PUS10: variants seen among roughly 807,000 people sequenced by gnomAD.
The protein encoded by PUS10 is tRNA pseudouridine synthase Pus10.
In PUS10, 59 loss-of-function variants were observed where a neutral mutation model predicts 75.0. The ratio of observed to expected loss-of-function variants is 0.79; its 90% CI spans 0.64 to 0.98. The LOEUF is 0.98. Among genes scored for constraint, PUS10 ranks in the 50% least tolerant of loss-of-function variants. PUS10 has a pLI of 0.00. For missense variants in PUS10, 650 were observed against 614.4 expected, an observed-to-expected ratio of 1.06 and a Z score of -0.61; for synonymous variants, 219 against 211.6, an observed-to-expected ratio of 1.03 and a Z score of -0.30.
intron 6 of PUS10, 124 bp downstream of exon 6, chr2:60,967,378 C>T: frequency 1.6e-6 from 1 of 629,046 alleles, no homozygotes. Context: ...ATTTTAAAAG[C>T]TTAAAAAATC....
In PUS10 at chr2:60,942,276, T is replaced by C. The variant is rs1558847312; in HGVS notation, c.*119A>G. The C allele has an allele frequency of 5.0e-6, 4 of 794,396 alleles. No homozygotes were observed. The highest frequency in any genetic ancestry group is 9.0e-6 in the Non-Finnish European group (4 of 446,160). The allele number at this position is 794,396 out of a possible 1,614,324, so 49.2% of individuals were successfully genotyped here. A position where few individuals can be genotyped will look rare whatever the true frequency, so the allele number is the denominator to read the frequency against. ...AAATTAACAATTATATAGATCAACA[T>C]GATCCAAATAGTTTTCAAGACACCG... On this transcript the variant is annotated 3_prime_UTR_variant, in exon 18 of 18. Transcript: ENST00000316752.
intron 2 of PUS10, chr2:61,010,838 T>C: frequency 1.3e-6 from 2 of 1,550,484 alleles, no homozygotes; most frequent in Non-Finnish European, 1.7e-6. Context: ...ACTTAATAGC[T>C]GTGTAACTTT....
intron 1 of PUS10, among the ~76,000 whole-genome samples, chr2:61,013,439 T>A (rs945532131): frequency 2.0e-5 from 3 of 152,200 alleles, no homozygotes; most frequent in Non-Finnish European, 2.9e-5. Context: ...GTTGATTACC[T>A]TTTTGTTCAA....
chr2:61,017,911 G>C lies in PUS10; in HGVS notation c.-16+97C>G, dbSNP rs529814036. ...GGGCCCGAGCGGGGACTTGGCAGGAGGCGGTTGTAGCGGTTGTTAGTGGAG... is the reference window on the plus strand; with the variant it reads ...GGGCCCGAGCGGGGACTTGGCAGGACGCGGTTGTAGCGGTTGTTAGTGGAG... On this transcript the variant is annotated intron_variant, in intron 1 of 17. Coordinates refer to ENST00000316752, the MANE Select transcript of PUS10 (RefSeq NM_144709.4). The C allele has an allele frequency of 3.1e-5, 46 of 1,503,070 alleles. 1 individual carries two copies. The East Asian group carries it at 1.1e-3, about 37-fold the overall frequency. 93.1% of individuals were successfully genotyped at this position (1,503,070 alleles called of 1,614,324 possible).
chr2:61,017,725 G>T (rs557495907), intron 1 of PUS10: 24 of 1,529,192 alleles, frequency 1.6e-5, no homozygotes, highest in Non-Finnish European at 1.9e-5. Flanking sequence ...TGGACAGTCA[G>T]GGGTAGGAGC....
At chr2:60,995,089 C>CA (rs1366786552) in intron 4 of PUS10, among the ~76,000 whole-genome samples, 4 of 149,682 alleles carry the variant, frequency 2.7e-5, no homozygotes, top group East Asian at 2.0e-4. Context: ...AACTCTGTCT[C>CA]AAAAAAAAAG....
At position 60,948,186 on chromosome 2, in the gene PUS10, C is replaced by G; in HGVS notation, c.1309-1G>C. ...GTGTTTTCTGGTCGATTTTTAAGTC[C>G]TAGGGGAGAATATGACACACAGTCC... is the stretch of plus-strand genomic sequence containing the variant. On this transcript the variant is annotated splice_acceptor_variant, in intron 15 of 17. Transcript: ENST00000316752. LOFTEE classifies it high-confidence loss of function. The G allele has an allele frequency of 1.2e-6, 2 of 1,614,006 alleles. No individual in the cohort carries two copies.
chr2:60,981,873 A>G (rs1203406636), intron 4 of PUS10, among the ~76,000 whole-genome samples: 1 of 152,160 alleles, frequency 6.6e-6, no homozygotes, highest in Non-Finnish European at 1.5e-5. Context: ...TATAAACTAT[A>G]AAAATACTTT....
chr2:60,946,060 CAT>C, intron 16 of PUS10, among the ~76,000 whole-genome samples: 1 of 152,310 alleles, frequency 6.6e-6, no homozygotes, highest in Admixed American at 6.5e-5. Context: ...AAGCATAAGA[CAT>C]ATAATTATCT....
chr2:60,988,842 A>C (rs1397101933), intron 4 of PUS10, among the ~76,000 whole-genome samples: 1 of 148,122 alleles, frequency 6.8e-6, no homozygotes, highest in Non-Finnish European at 1.5e-5. Context: ...GGGTTTTGCC[A>C]GGTTGGCCAG....
At chr2:60,985,583 C>G (rs1477942455) in intron 4 of PUS10, among the ~76,000 whole-genome samples, 2 of 152,072 alleles carry the variant, frequency 1.3e-5, no homozygotes, top group African/African-American at 4.8e-5. Context: ...TCACTACAAC[C>G]TCTGATTCCT....
intron 3 of PUS10, among the ~76,000 whole-genome samples, chr2:61,007,974 G>A (rs1679344815): frequency 1.3e-5 from 2 of 151,992 alleles, no homozygotes; most frequent in South Asian, 2.1e-4. Flanking sequence ...CTACTCGGGA[G>A]GCTGAGGTAG....
intron 11 of PUS10, among the ~76,000 whole-genome samples, chr2:60,960,149 CAAAAAAAAA>C (rs559273848): frequency 1.1e-5 from 1 of 88,296 alleles, no homozygotes; most frequent in Non-Finnish European, 2.3e-5. Flanking sequence ...CAGGCTCTCT[CAAAAAAAAA>C]AAAAAAAAAA....
intron 5 of PUS10, among the ~76,000 whole-genome samples, chr2:60,968,677 CA>C (rs11345056): frequency 0.47 from 69,658 of 149,668 alleles, 20,110 homozygotes; most frequent in African/African-American, 0.82. Context: ...ATAGTTGATC[CA>C]AAAAAAAATA....
chr2:60,981,808 CTGG>C (rs1165993595), intron 4 of PUS10, among the ~76,000 whole-genome samples: 1 of 152,094 alleles, frequency 6.6e-6, no homozygotes, highest in East Asian at 1.9e-4. Context: ...CACATAGCCT[CTGG>C]AAAACTCCAC....
At chr2:60,961,618 A>G (rs1041008656) in intron 9 of PUS10, 70 bp from the exon 10 acceptor site, 5 of 1,335,300 alleles carry the variant, frequency 3.7e-6, no homozygotes, top group Admixed American at 3.4e-5. Flanking sequence ...TAGATGAATC[A>G]GCATTGTCTG....
chr2:61,015,490 G>A (rs1679909906), intron 1 of PUS10, among the ~76,000 whole-genome samples: 2 of 152,146 alleles, frequency 1.3e-5, no homozygotes, highest in African/African-American at 4.8e-5. Context: ...ATGAGGTCAG[G>A]AGATCGAGAC....
chr2:60,995,889 C>T (rs537659060), intron 4 of PUS10, among the ~76,000 whole-genome samples: 1 of 152,338 alleles, frequency 6.6e-6, no homozygotes, highest in African/African-American at 2.4e-5. Context: ...CAATTACCTA[C>T]ACTGCTAGAT....
intron 1 of PUS10, among the ~76,000 whole-genome samples, chr2:61,012,596 G>C (rs1183394100): frequency 6.6e-6 from 1 of 150,832 alleles, no homozygotes; most frequent in African/African-American, 2.4e-5. Context: ...GGAGGCCGAG[G>C]GTGGATCACC....
Sources: allele counts gnomAD v4.1 joint callset (sites outside exome capture counted in the v4.1 genomes callset), GRCh38; gene constraint gnomAD v4.1.1; transcripts MANE v1.5; gene names NCBI Gene and HGNC (gene_info 2026-07-23, HGNC 2026-07-21).